The following BICD1 variants were observed in gnomAD, a reference collection of about 807,000 sequenced individuals.
BICD1 encodes the protein protein bicaudal D homolog 1.
A neutral mutation model predicts 92.5 loss-of-function variants in BICD1; 35 were observed. That is an observed-to-expected ratio of 0.38 (90% CI 0.29 to 0.50). BICD1 has a LOEUF of 0.50. Ranked by LOEUF, BICD1 falls within the 20% of genes least tolerant of loss-of-function variation. BICD1 has a pLI of 0.93. For missense variants in BICD1, 950 were observed against 1,189.8 expected, an observed-to-expected ratio of 0.80 and a Z score of 2.97; for synonymous variants, 429 against 465.1, an observed-to-expected ratio of 0.92 and a Z score of 1.00.
intron 2 of BICD1, among the ~76,000 whole-genome samples, chr12:32,264,466 G>C (rs1473495446): frequency 6.6e-6 from 1 of 152,108 alleles, no homozygotes; most frequent in African/African-American, 2.4e-5. Context: ...ATTTGTTACA[G>C]TAAAAAATGT....
At chr12:32,167,104 G>A (rs557719468) in intron 1 of BICD1, among the ~76,000 whole-genome samples, 1 of 152,024 alleles carries the variant, frequency 6.6e-6, no homozygotes, top group Non-Finnish European at 1.5e-5. Context: ...GTTTTAAGTC[G>A]ATTCAGGAAG....
At chr12:32,229,076 C>T (rs1316425783) in intron 2 of BICD1, among the ~76,000 whole-genome samples, 1 of 151,974 alleles carries the variant, frequency 6.6e-6, no homozygotes, top group East Asian at 1.9e-4. Flanking sequence ...ATGACAAAAC[C>T]CCATCTGTAC....
intron 2 of BICD1, among the ~76,000 whole-genome samples, chr12:32,218,497 G>C (rs1456165192): frequency 6.6e-6 from 1 of 152,202 alleles, no homozygotes; most frequent in Non-Finnish European, 1.5e-5. Context: ...CACTAATTTA[G>C]ATTTTTTGGC....
intron 1 of BICD1, among the ~76,000 whole-genome samples, chr12:32,129,040 C>G (rs1942444413): frequency 6.6e-6 from 1 of 152,122 alleles, no homozygotes; most frequent in East Asian, 1.9e-4. Flanking sequence ...CTCCCAGATT[C>G]AAGAGATTCT....
At chr12:32,363,652 GTGTTTGGTTAGTTAGATTTAGTTA>G (rs1401958075) in intron 8 of BICD1, among the ~76,000 whole-genome samples, 3 of 152,184 alleles carry the variant, frequency 2.0e-5, no homozygotes, top group African/African-American at 7.2e-5. Flanking sequence ...AGATTTAGTT[GTGTTTGGTTAGTTAGATTTAGTTA>G]TGTTTGATTA....
chr12:32,224,828 A>G (rs1488816008), intron 2 of BICD1, among the ~76,000 whole-genome samples: 12 of 152,108 alleles, frequency 7.9e-5, no homozygotes, highest in Non-Finnish European at 2.9e-5. Flanking sequence ...CAGCCTCCTG[A>G]GTAGCTAGGA....
At position 32,106,957 on chromosome 12, in the gene BICD1, G is replaced by A. The variant is rs1941489686; in HGVS notation, c.-375G>A. ...GCGAGACTGCAGTGACGCGGCCCGG[G>A]AGACATGGCGGACGGGCGTCTCTGA... On this transcript the variant is annotated 5_prime_UTR_variant, in exon 1 of 10. Transcript: ENST00000652176. 1 of 233,526 alleles carries A rather than the reference G, an allele frequency of 4.3e-6. No individual in the cohort carries two copies. Among genetic ancestry groups the A allele is most frequent in the Non-Finnish European group, 8.4e-6 (1 of 119,520 alleles). The allele number at this position is 233,526 out of a possible 1,614,324, so 14.5% of individuals were successfully genotyped here. A position where few individuals can be genotyped will look rare whatever the true frequency, so the allele number is the denominator to read the frequency against.
chr12:32,333,400 G>T (rs2136273661), intron 5 of BICD1, among the ~76,000 whole-genome samples: 1 of 152,210 alleles, frequency 6.6e-6, no homozygotes, highest in African/African-American at 2.4e-5. Flanking sequence ...AATCAAAACA[G>T]TAACAAAGTA....
chr12:32,333,569 G>A (rs4931621), intron 5 of BICD1, among the ~76,000 whole-genome samples: 36,514 of 151,462 alleles, frequency 0.24, 4,923 homozygotes, highest in East Asian at 0.6. Context: ...GGATTTCTCT[G>A]CTAGTAATGG....
chr12:32,374,477 T>C (rs779734049), intron 9 of BICD1, among the ~76,000 whole-genome samples: 1 of 151,802 alleles, frequency 6.6e-6, no homozygotes, highest in Non-Finnish European at 1.5e-5. Context: ...TATAACCTGC[T>C]GTTTACCAGG....
At chr12:32,177,012 C>A (rs1430181982) in intron 1 of BICD1, among the ~76,000 whole-genome samples, 1 of 151,128 alleles carries the variant, frequency 6.6e-6, no homozygotes, top group Non-Finnish European at 1.5e-5. Context: ...TTACAAAATT[C>A]TTTAAGAATT....
At position 32,306,059 on chromosome 12, in the gene BICD1, C is replaced by G. The variant is rs1383011003; in HGVS notation, c.942C>G (p.Val314=). Reference sequence around the variant, plus strand: ...GGAAAGGAGAGTCTCTGAACCCTGTCTCTGACTTATTCAGTGAGCTGAACA... The same window carrying G: ...GGAAAGGAGAGTCTCTGAACCCTGTGTCTGACTTATTCAGTGAGCTGAACA... ...TLRKGESLNP[V]SDLFSELNIS... is the part of the protein sequence containing the mutation. Residue 314 remains valine, a synonymous_variant, in exon 4 of 10, where the codon GTC becomes GTG. Coordinates refer to ENST00000652176, the MANE Select transcript of BICD1 (RefSeq NM_001714.4). The G allele has an allele frequency of 1.2e-6, 2 of 1,613,780 alleles. No individual in the cohort carries two copies. Among genetic ancestry groups the G allele is most frequent in the Non-Finnish European group, 1.7e-6 (2 of 1,179,964 alleles).
chr12:32,216,065 C>G (rs1199159104), intron 1 of BICD1, among the ~76,000 whole-genome samples, 182 bp from the exon 2 acceptor site: 1 of 148,176 alleles, frequency 6.7e-6, no homozygotes, highest in Non-Finnish European at 1.5e-5. Context: ...TTTTATTTTT[C>G]CTTATTAAGC....
At chr12:32,195,106 A>AAG (rs1944691057) in intron 1 of BICD1, among the ~76,000 whole-genome samples, 1 of 151,664 alleles carries the variant, frequency 6.6e-6, no homozygotes, top group Non-Finnish European at 1.5e-5. Context: ...AAAAAAAAAA[A>AAG]AAATTGAAGA....
At chr12:32,234,783 C>T (rs972015767) in intron 2 of BICD1, among the ~76,000 whole-genome samples, 5 of 148,922 alleles carry the variant, frequency 3.4e-5, no homozygotes, top group African/African-American at 1.2e-4. Context: ...GGAGGTTACT[C>T]AGGCAATCCT....
chr12:32,305,972 G>T lies in BICD1; in HGVS notation c.855G>T (p.Met285Ile). Residue 285 changes from methionine to isoleucine, a missense_variant, in exon 4 of 10, where the codon ATG becomes ATT. Met to Ile is a conservative substitution (Grantham distance 10, BLOSUM62 1). Transcript: ENST00000652176. ...GTGAACCAAACAATGATGACAAAAT[G>T]AACGGTCATATCCATGGGCCTCTTG... ...DGSEPNNDDK[M>I]NGHIHGPLVK... 1 of 1,614,206 alleles carries T rather than the reference G, an allele frequency of 6.2e-7. No homozygotes were observed. Among genetic ancestry groups the T allele is most frequent in the South Asian group, 1.1e-5 (1 of 91,078 alleles).
At chr12:32,268,523 C>T (rs161977) in intron 2 of BICD1, among the ~76,000 whole-genome samples, 46,393 of 152,136 alleles carry the variant, frequency 0.3, 8,265 homozygotes, top group Non-Finnish European at 0.41. Context: ...GAGCTGGGCA[C>T]GGTCGCTCAT....
Position 32,332,011 on chromosome 12 carries a change from A to G in BICD1, c.2101-2505A>G, listed in dbSNP as rs145820830. Reference sequence around the variant, plus strand: ...GGAAAAAAGGAAATCTCCCTGTTTTAAAATAGGCATTCTACTATACAGCCA... The same window carrying G: ...GGAAAAAAGGAAATCTCCCTGTTTTGAAATAGGCATTCTACTATACAGCCA... On this transcript the variant is annotated intron_variant, in intron 5 of 9. Transcript: ENST00000652176. 1.8e-4 allele frequency among the ~76,000 whole-genome samples: 28 copies of G among 152,314 alleles called. No homozygotes were observed. The East Asian group carries it at 5.4e-3, about 29-fold the overall frequency.
chr12:32,190,746 A>T (rs1156239140), intron 1 of BICD1, among the ~76,000 whole-genome samples: 1 of 152,184 alleles, frequency 6.6e-6, no homozygotes, highest in African/African-American at 2.4e-5. Flanking sequence ...GACCAAGTGG[A>T]CCTAACAGAC....
Sources: allele counts gnomAD v4.1 joint callset (sites outside exome capture counted in the v4.1 genomes callset), GRCh38; gene constraint gnomAD v4.1.1; transcripts MANE v1.5; gene names NCBI Gene and HGNC (gene_info 2026-07-23, HGNC 2026-07-21).